The following CACNA2D3 variants were observed in gnomAD, a reference collection of about 807,000 sequenced individuals.
CACNA2D3 encodes the protein voltage-dependent calcium channel subunit alpha-2/delta-3.
In CACNA2D3, 60 loss-of-function variants were observed where a neutral mutation model predicts 160.6. The ratio of observed to expected loss-of-function variants is 0.37; its 90% CI spans 0.30 to 0.46. The LOEUF (loss-of-function observed/expected upper bound fraction) is 0.46, where lower values mean the gene tolerates loss of function less well. CACNA2D3 is among the 20% of genes least tolerant of loss of function. The probability of loss-of-function intolerance (pLI) is 1.00; values close to 1 mark genes in which losing one functional copy is unlikely to be tolerated. For missense variants in CACNA2D3, 1,205 were observed against 1,365.0 expected (o/e 0.88, Z 1.85); for synonymous variants, 558 against 492.9 (o/e 1.13, Z -1.75).
At chr3:54,359,474 G>A (rs900301693) in intron 3 of CACNA2D3, among the ~76,000 whole-genome samples, 2 of 152,124 alleles carry the variant, frequency 1.3e-5, no homozygotes, top group Non-Finnish European at 2.9e-5. Flanking sequence ...AGGCGTCCTA[G>A]GCTCACGCTA....
chr3:54,934,335 G>A (rs372986782), intron 27 of CACNA2D3, among the ~76,000 whole-genome samples: 1 of 152,170 alleles, frequency 6.6e-6, no homozygotes, highest in Non-Finnish European at 1.5e-5. Flanking sequence ...CTCTTGAGCC[G>A]TTCAGTGGAG....
rs187788258 is a variant in CACNA2D3 at position 55,039,838 on chromosome 3, T to C, written c.2987+21521T>C. On this transcript the variant is annotated intron_variant, in intron 35 of 37. Coordinates refer to ENST00000474759, the MANE Select transcript of CACNA2D3 (RefSeq NM_018398.3). ...GAGTCAAACCTAGGAAATATATTTT[T>C]GTTTAGAAAGAGACAATAAATCAAG... Among the ~76,000 whole-genome samples the C allele has an allele frequency of 3.5e-3, 540 of 152,336 alleles. 8 individuals are homozygous for C. Among genetic ancestry groups the C allele is most frequent in the Middle Eastern group, 0.034 (10 of 294 alleles).
intron 2 of CACNA2D3, among the ~76,000 whole-genome samples, chr3:54,218,711 T>G (rs2107373895): frequency 6.6e-6 from 1 of 152,332 alleles, no homozygotes; most frequent in South Asian, 2.1e-4. Context: ...AAAATTGATT[T>G]TATACAAGGA....
intron 5 of CACNA2D3, among the ~76,000 whole-genome samples, chr3:54,541,542 T>C (rs1377646811): frequency 6.6e-6 from 1 of 152,028 alleles, no homozygotes; most frequent in East Asian, 1.9e-4. Flanking sequence ...AAGGAGTAAG[T>C]TTCTGTTGTT....
chr3:55,023,152 G>A (rs563293747), intron 35 of CACNA2D3, among the ~76,000 whole-genome samples: 1 of 152,162 alleles, frequency 6.6e-6, no homozygotes, highest in Non-Finnish European at 1.5e-5. Flanking sequence ...AAAATATTTT[G>A]AAGATATTCC....
At chr3:54,677,405 C>A (rs1237155148) in intron 11 of CACNA2D3, among the ~76,000 whole-genome samples, 4 of 152,126 alleles carry the variant, frequency 2.6e-5, no homozygotes, top group Non-Finnish European at 5.9e-5. Flanking sequence ...CAAAAATTAG[C>A]TATCATCACC....
At chr3:54,900,288 G>T (rs1700297211) in intron 27 of CACNA2D3, among the ~76,000 whole-genome samples, 1 of 152,194 alleles carries the variant, frequency 6.6e-6, no homozygotes, top group African/African-American at 2.4e-5. Flanking sequence ...GAGAGACTGA[G>T]ATTTTCATCC....
intron 2 of CACNA2D3, among the ~76,000 whole-genome samples, chr3:54,203,582 G>C (rs1296035769): frequency 1.1e-4 from 16 of 152,226 alleles, no homozygotes; most frequent in African/African-American, 3.9e-4. Context: ...GTTTTATTGA[G>C]TGGAAGCAGC....
chr3:54,333,847 C>T (rs370795943), intron 3 of CACNA2D3, among the ~76,000 whole-genome samples: 55 of 152,330 alleles, frequency 3.6e-4, no homozygotes, highest in Non-Finnish European at 6.6e-4. Context: ...CAAAGGGGAA[C>T]GTCACCTGTT....
chr3:54,250,787 G>T (rs1288643719), intron 2 of CACNA2D3, among the ~76,000 whole-genome samples: 1 of 152,028 alleles, frequency 6.6e-6, no homozygotes, highest in Admixed American at 6.6e-5. Context: ...ACTCCTAGGG[G>T]GCTTACAGTC....
intron 2 of CACNA2D3, among the ~76,000 whole-genome samples, chr3:54,259,791 T>C (rs1702370239): frequency 6.6e-6 from 1 of 152,190 alleles, no homozygotes; most frequent in African/African-American, 2.4e-5. Flanking sequence ...TGCCAATGCA[T>C]TTATGTGGCT....
At chr3:54,909,800 C>T (rs1303374886) in intron 27 of CACNA2D3, among the ~76,000 whole-genome samples, 1 of 151,880 alleles carries the variant, frequency 6.6e-6, no homozygotes, top group African/African-American at 2.4e-5. Context: ...ACAGTGAGGT[C>T]GGCTAAGAAC....
intron 27 of CACNA2D3, among the ~76,000 whole-genome samples, chr3:54,956,434 C>A (rs143605611): frequency 4.6e-5 from 7 of 152,240 alleles, no homozygotes; most frequent in Admixed American, 4.6e-4. Flanking sequence ...TTTTAACCTT[C>A]CTGTCTTTGT....
chr3:54,249,662 T>TACACACACACACACAC (rs10656572), intron 2 of CACNA2D3, among the ~76,000 whole-genome samples: 14 of 132,846 alleles, frequency 1.1e-4, no homozygotes, highest in Non-Finnish European at 1.1e-4. Flanking sequence ...TCTGTTTACG[T>TACACACACACACACAC]ACACACACAC....
At chr3:54,851,334 A>G (rs2106783515) in intron 17 of CACNA2D3, among the ~76,000 whole-genome samples, 1 of 152,300 alleles carries the variant, frequency 6.6e-6, no homozygotes, top group South Asian at 2.1e-4. Flanking sequence ...AGTGAGGACA[A>G]CTGTGAGTAC....
At chr3:55,058,929 G>A (rs202187929) in intron 35 of CACNA2D3, among the ~76,000 whole-genome samples, 10 of 152,120 alleles carry the variant, frequency 6.6e-5, no homozygotes, top group African/African-American at 1.9e-4. Context: ...TCCCCTCCCC[G>A]CCGCCGCTCT....
intron 4 of CACNA2D3, among the ~76,000 whole-genome samples, chr3:54,389,522 G>A (rs529551588): frequency 1.3e-5 from 2 of 152,232 alleles, no homozygotes; most frequent in Admixed American, 1.3e-4. Context: ...ATTTTATTGT[G>A]GAGAAACCTG....
chr3:55,023,408 C>T (rs367560822), intron 35 of CACNA2D3, among the ~76,000 whole-genome samples: 16 of 152,266 alleles, frequency 1.1e-4, no homozygotes, highest in Middle Eastern at 3.4e-3. Context: ...TTGAGCTTTT[C>T]ATTTCTAGAC....
intron 34 of CACNA2D3, among the ~76,000 whole-genome samples, chr3:55,017,380 T>C (rs986921675): frequency 4.6e-5 from 7 of 152,232 alleles, no homozygotes; most frequent in Admixed American, 4.6e-4. Context: ...ATTGTCATCA[T>C]TATAATGTCA....
Sources: allele counts gnomAD v4.1 joint callset (sites outside exome capture counted in the v4.1 genomes callset), GRCh38; gene constraint gnomAD v4.1.1; transcripts MANE v1.5; gene names NCBI Gene and HGNC (gene_info 2026-07-23, HGNC 2026-07-21).